The following KIFC3 variants were observed in gnomAD, a reference collection of about 807,000 sequenced individuals.
KIFC3 encodes the protein kinesin-like protein KIFC3.
Under a neutral mutation model 101.8 loss-of-function variants are expected in KIFC3, and 60 were observed. That is an observed-to-expected ratio of 0.59 (90% CI 0.48 to 0.73). KIFC3 has a LOEUF of 0.73. KIFC3 is among the 30% of genes least tolerant of loss of function. KIFC3 has a pLI of 0.00. For missense variants in KIFC3, 966 were observed against 1,137.1 expected, an observed-to-expected ratio of 0.85 and a Z score of 2.16; for synonymous variants, 476 against 482.7, an observed-to-expected ratio of 0.99 and a Z score of 0.18.
At position 57,760,837 on chromosome 16, in the gene KIFC3, G is replaced by GAC; in HGVS notation, c.2119_2120dup (p.Ile708SerfsTer82). On this transcript the variant is annotated frameshift_variant, in exon 16 of 20. Transcript: ENST00000445690. LOFTEE classifies it high-confidence loss of function. ...CCTGGCGGGAGCGCAGGGCAGCAAT[G>GAC]ACGTCCCCCAGAGCCGACAGCGACT... 6.2e-7 allele frequency: 1 copy of GAC among 1,613,378 alleles called. No homozygotes were observed. Among genetic ancestry groups the GAC allele is most frequent in the Non-Finnish European group, 8.5e-7 (1 of 1,179,988 alleles).
intron 1 of KIFC3, chr16:57,810,657 G>A (rs932812090): frequency 1.0e-6 from 1 of 985,570 alleles, no homozygotes; most frequent in Non-Finnish European, 1.2e-6. Context: ...CTGAATGCCA[G>A]GACGGGAATT....
chr16:57,762,082 C>A, intron 13 of KIFC3, 58 bp downstream of exon 13: 3 of 1,518,804 alleles, frequency 2.0e-6, no homozygotes, highest in Admixed American at 2.0e-5. Context: ...TCCAGCACCA[C>A]CCCGGAGGAC....
At chr16:57,818,631 G>C (rs1229202479) in intron 1 of KIFC3, among the ~76,000 whole-genome samples, 3 of 152,136 alleles carry the variant, frequency 2.0e-5, no homozygotes, top group Non-Finnish European at 4.4e-5. Flanking sequence ...CAAAGTGCTG[G>C]GATTATAGGT....
At chr16:57,814,589 AACTGTC>A (rs1422295452) in intron 1 of KIFC3, among the ~76,000 whole-genome samples, 4 of 152,086 alleles carry the variant, frequency 2.6e-5, no homozygotes, top group African/African-American at 9.7e-5. Flanking sequence ...CAGATGAAGA[AACTGTC>A]ACTGTCATTA....
At position 57,812,965 on chromosome 16, in the gene KIFC3, AG is replaced by A. The variant is rs2055127950; in HGVS notation, c.109-14684del. Among the ~76,000 whole-genome samples the A allele has an allele frequency of 3.9e-5, 6 of 152,158 alleles. No individual in the cohort carries two copies. The South Asian group carries it at 1.2e-3, about 32-fold the overall frequency. On this transcript the variant is annotated intron_variant, in intron 1 of 2. Coordinates refer to the KIFC3 transcript ENST00000563028. ...GCACAGGTGCAAGGGATCCATCACGAGGGCTAAACTGGCCAATAAGAGGCAG... is the reference window on the plus strand; with the variant it reads ...GCACAGGTGCAAGGGATCCATCACGAGGCTAAACTGGCCAATAAGAGGCAG...
intron 1 of KIFC3, among the ~76,000 whole-genome samples, chr16:57,814,950 A>G (rs550690113): frequency 6.6e-5 from 10 of 152,282 alleles, no homozygotes; most frequent in Middle Eastern, 3.4e-3. Context: ...GTCCGCTATA[A>G]AACCTAGTGC....
intron 4 of KIFC3, 92 bp downstream of exon 4, chr16:57,772,131 A>C: frequency 9.3e-7 from 1 of 1,077,236 alleles, no homozygotes; most frequent in Non-Finnish European, 1.4e-6. Flanking sequence ...CGGGCTCAGG[A>C]GAGAGAGGGT....
chr16:57,795,889 T>TTG (rs2054268849), intron 2 of KIFC3, among the ~76,000 whole-genome samples: 2 of 81,542 alleles, frequency 2.5e-5, no homozygotes, highest in South Asian at 4.2e-4. Flanking sequence ...TTTTTGTTTT[T>TTG]TTTTTTTTTT....
At chr16:57,803,228 C>G (rs1555626194), upstream of KIFC3, 7 of 708,152 alleles carry the variant, frequency 9.9e-6, no homozygotes, top group Non-Finnish European at 1.8e-5. Flanking sequence ...GGCCCTGCTA[C>G]TGGGGCACCT....
chr16:57,821,362 G>A (rs1443927969), intron 1 of KIFC3, among the ~76,000 whole-genome samples: 1 of 152,170 alleles, frequency 6.6e-6, no homozygotes, highest in Non-Finnish European at 1.5e-5. Context: ...TCTGGCTGTA[G>A]CTTTGCGCAG....
intron 1 of KIFC3, among the ~76,000 whole-genome samples, chr16:57,853,111 G>A (rs1481883275): frequency 6.6e-6 from 1 of 151,894 alleles, no homozygotes; most frequent in African/African-American, 2.4e-5. Context: ...AATTAAAATG[G>A]TATACTAAAA....
intron 3 of KIFC3, chr16:57,776,957 AT>A (rs1343729638): frequency 1.3e-5 from 2 of 152,274 alleles, no homozygotes; most frequent in Non-Finnish European, 2.9e-5. Context: ...GTTGGAATTA[AT>A]TTGATTTTAA....
rs1555624181 is a variant in KIFC3, at chr16:57,798,286, C to CG, written c.-39-5dup. 3 of 1,546,920 alleles carry CG rather than the reference C, an allele frequency of 1.9e-6. No individual in the cohort carries two copies. Among genetic ancestry groups the CG allele is most frequent in the Non-Finnish European group, 8.7e-7 (1 of 1,146,980 alleles). On this transcript the variant is annotated splice_polypyrimidine_tract_variant and splice_region_variant and intron_variant, in intron 1 of 19. Transcript: ENST00000445690. ...CCTCCTCGGGGCACCAGGCAGCCTG[C>CG]GGAGAGAACAAGGGGAGATAAGCTT...
chr16:57,785,506 G>C (rs782140183), intron 3 of KIFC3: 1 of 1,289,110 alleles, frequency 7.8e-7, no homozygotes, highest in South Asian at 1.2e-5. Flanking sequence ...GGTCACTGTC[G>C]CGGAGGGCCA....
At chr16:57,792,621 G>A (rs782745065) in intron 3 of KIFC3, among the ~76,000 whole-genome samples, 1 of 152,148 alleles carries the variant, frequency 6.6e-6, no homozygotes, top group Non-Finnish European at 1.5e-5. Flanking sequence ...AGGGCCGGGC[G>A]TAATGGCTCA....
chr16:57,798,361 G>A, intron 1 of KIFC3, 79 bp from the exon 2 acceptor site: 2 of 1,321,442 alleles, frequency 1.5e-6, no homozygotes, highest in Non-Finnish European at 2.1e-6. Context: ...CAGCCATCTG[G>A]AAGGGTCTAC....
intron 1 of KIFC3, among the ~76,000 whole-genome samples, chr16:57,841,093 G>A (rs893118023): frequency 2.0e-5 from 3 of 152,338 alleles, no homozygotes; most frequent in Middle Eastern, 3.4e-3. Flanking sequence ...TGGACCTTGC[G>A]TTATCAGCAG....
chr16:57,764,275 T>TGGGGGGGGGGTGGGG, intron 11 of KIFC3, 28 bp from the exon 12 acceptor site: 1 of 539,928 alleles, frequency 1.9e-6, no homozygotes, highest in African/African-American at 2.0e-5. Context: ...GGGAGGCTGG[T>TGGGGGGGGGGTGGGG]GGGGGGGCTT....
At position 57,758,559 on chromosome 16, in the gene KIFC3, A is replaced by G. The variant is rs1555590759; in HGVS notation, c.*375T>C. 2 of 636,928 alleles carry G rather than the reference A, an allele frequency of 3.1e-6. No individual in the cohort carries two copies. The highest frequency in any genetic ancestry group is 3.2e-5 in the East Asian group (1 of 31,524). The allele number at this position is 636,928 out of a possible 1,614,324, so 39.5% of individuals were successfully genotyped here. A position where few individuals can be genotyped will look rare whatever the true frequency, so the allele number is the denominator to read the frequency against. On this transcript the variant is annotated 3_prime_UTR_variant, in exon 20 of 20. Coordinates refer to ENST00000445690, the MANE Select transcript of KIFC3 (RefSeq NM_001130100.2). ...CCACCCCCTAAGGAGGGGGCTGGCC[A>G]GCTCTGCAAGCTGAGGAGAGGGGCC...
Sources: allele counts gnomAD v4.1 joint callset (sites outside exome capture counted in the v4.1 genomes callset), GRCh38; gene constraint gnomAD v4.1.1; transcripts MANE v1.5; gene names NCBI Gene and HGNC (gene_info 2026-07-23, HGNC 2026-07-21).